TYR: variants seen among roughly 807,000 people sequenced by gnomAD.
TYR encodes tyrosinase.
TYR carries 58 observed loss-of-function variants against 51.5 expected under a neutral mutation model. That is an observed-to-expected ratio of 1.13 (90% CI 0.91 to 1.40). The LOEUF is 1.40. Among genes scored for constraint, TYR ranks in the 40% most tolerant of loss-of-function variants. The pLI is 0.00. For missense variants in TYR, 732 were observed against 647.4 expected (o/e 1.13, Z -1.42); for synonymous variants, 263 against 235.2 (o/e 1.12, Z -1.08).
chr11:89,226,994 T>C (rs1943985515), intron 2 of TYR, among the ~76,000 whole-genome samples: 1 of 152,050 alleles, frequency 6.6e-6, no homozygotes, highest in East Asian at 1.9e-4. Context: ...GAACACAAAA[T>C]TCTAAGAGCT....
At chr11:89,232,343 G>GTACAT (rs1944060961) in intron 3 of TYR, among the ~76,000 whole-genome samples, 1 of 143,264 alleles carries the variant, frequency 7.0e-6, no homozygotes, top group South Asian at 2.3e-4. Context: ...AGAAAATGTG[G>GTACAT]TACATTTACA....
chr11:89,276,573 C>A (rs1408911916), intron 3 of TYR, among the ~76,000 whole-genome samples: 2 of 151,706 alleles, frequency 1.3e-5, no homozygotes, highest in Middle Eastern at 3.4e-3. Context: ...ATATCCTTTC[C>A]TGATCTTGTA....
chr11:89,205,066 A>G (rs1315265528), intron 2 of TYR, among the ~76,000 whole-genome samples: 3 of 152,186 alleles, frequency 2.0e-5, no homozygotes, highest in Non-Finnish European at 4.4e-5. Context: ...AAGAAAATGG[A>G]AGATATCACA....
chr11:89,274,008 T>A (rs959123525), intron 3 of TYR, among the ~76,000 whole-genome samples: 1 of 140,124 alleles, frequency 7.1e-6, no homozygotes, highest in African/African-American at 2.5e-5. Context: ...TAAAGTAACA[T>A]TCTGAAGTAT....
chr11:89,293,183 G>A (rs1944868489), intron 4 of TYR, among the ~76,000 whole-genome samples: 2 of 151,952 alleles, frequency 1.3e-5, no homozygotes, highest in Admixed American at 1.3e-4. Flanking sequence ...TGAAATGTAT[G>A]GCTTCAGGAA....
intron 3 of TYR, among the ~76,000 whole-genome samples, chr11:89,266,245 G>A (rs1387359200): frequency 6.6e-6 from 1 of 151,842 alleles, no homozygotes; most frequent in East Asian, 1.9e-4. Flanking sequence ...AATTATTTGT[G>A]TATTGGTGTT....
intron 4 of TYR, among the ~76,000 whole-genome samples, chr11:89,287,465 G>A (rs921159519): frequency 2.0e-5 from 3 of 151,604 alleles, no homozygotes; most frequent in Admixed American, 2.0e-4. Context: ...CATTGCCTTA[G>A]ATACTATGGA....
chr11:89,235,102 T>C (rs1032998427), intron 3 of TYR, among the ~76,000 whole-genome samples: 1 of 152,064 alleles, frequency 6.6e-6, no homozygotes, highest in African/African-American at 2.4e-5. Context: ...ACTAATAACC[T>C]GTGAAATATT....
intron 2 of TYR, chr11:89,192,028 T>G (rs1241878981): frequency 2.2e-6 from 1 of 455,234 alleles, no homozygotes; most frequent in South Asian, 1.6e-5. Flanking sequence ...GTGGGTTCTT[T>G]GAGGTAAGTT....
At position 89,233,286 on chromosome 11, in the gene TYR, A is replaced by G. The variant is rs1343350974; in HGVS notation, c.1184+5316A>G. Among the ~76,000 whole-genome samples the G allele has an allele frequency of 1.4e-5, 2 of 142,082 alleles. 1 individual carries two copies. Among genetic ancestry groups the G allele is most frequent in the African/African-American group, 5.6e-5 (2 of 35,774 alleles). The allele number at this position is 142,082 out of a possible 152,430, so 93.2% of individuals were successfully genotyped here. A position where few individuals can be genotyped will look rare whatever the true frequency, so the allele number is the denominator to read the frequency against. On this transcript the variant is annotated intron_variant, in intron 3 of 4. Transcript: ENST00000263321. ...CATGAGATTGCCACAATTCACTCAT[A>G]CCTTTAGGCTGCACTTGTAATTCTA...
At chr11:89,231,038 G>T (rs79086295) in intron 3 of TYR, among the ~76,000 whole-genome samples, 3,818 of 152,004 alleles carry the variant, frequency 0.025, 180 homozygotes, top group African/African-American at 0.088. Context: ...ATGGGTGGTG[G>T]CAGACGCATG....
chr11:89,250,699 T>G (rs1208330070), intron 3 of TYR, among the ~76,000 whole-genome samples: 1 of 151,916 alleles, frequency 6.6e-6, no homozygotes, highest in Non-Finnish European at 1.5e-5. Context: ...TGTGTGTCTG[T>G]GTCCTAAACT....
intron 3 of TYR, among the ~76,000 whole-genome samples, chr11:89,258,220 T>C (rs1286602715): frequency 6.6e-6 from 1 of 152,038 alleles, no homozygotes; most frequent in African/African-American, 2.4e-5. Flanking sequence ...ATGTTTCTTT[T>C]AACTATTTAT....
At chr11:89,294,557 C>T (rs985551579) in intron 4 of TYR, among the ~76,000 whole-genome samples, 7 of 152,200 alleles carry the variant, frequency 4.6e-5, no homozygotes, top group African/African-American at 1.7e-4. Flanking sequence ...CCACTGCGGC[C>T]CGGTAACCAA....
chr11:89,289,816 G>A (rs1050177604), intron 4 of TYR, among the ~76,000 whole-genome samples: 4 of 152,002 alleles, frequency 2.6e-5, no homozygotes, highest in African/African-American at 9.7e-5. Flanking sequence ...GAATCCAGAA[G>A]AGAATGGAGC....
chr11:89,181,734 A>G (rs1943302651), intron 1 of TYR, among the ~76,000 whole-genome samples: 1 of 152,208 alleles, frequency 6.6e-6, no homozygotes, highest in Admixed American at 6.5e-5. Context: ...AAAAAACTAT[A>G]GAAAAGCCTA....
intron 3 of TYR, among the ~76,000 whole-genome samples, chr11:89,262,873 C>CAAAAAAAAAAAAAAAAAAAAAAAA (rs1944478204): frequency 1.9e-5 from 1 of 53,044 alleles, no homozygotes; most frequent in African/African-American, 6.4e-5. Flanking sequence ...AAAAAAAAAA[C>CAAAAAAAAAAAAAAAAAAAAAAAA]AACAACAACA....
At chr11:89,246,598 C>T (rs779377040) in intron 3 of TYR, among the ~76,000 whole-genome samples, 1 of 152,142 alleles carries the variant, frequency 6.6e-6, no homozygotes, top group Non-Finnish European at 1.5e-5. Context: ...CCAGGAATGG[C>T]CAGCCTGCCT....
At chr11:89,227,075 T>C (rs755948574) in intron 2 of TYR, among the ~76,000 whole-genome samples, 17 of 152,132 alleles carry the variant, frequency 1.1e-4, no homozygotes, top group Non-Finnish European at 2.2e-4. Flanking sequence ...AACTCAGAAC[T>C]TCTCTGAACC....
Sources: gnomAD v4.1 joint callset for allele counts (sites outside exome capture counted in the v4.1 genomes callset) on GRCh38, gnomAD v4.1.1 for gene constraint, MANE v1.5 for transcripts, NCBI Gene and HGNC (gene_info 2026-07-23, HGNC 2026-07-21) for gene names.